PCDH15: variants seen among roughly 807,000 people sequenced by gnomAD.
The protein encoded by PCDH15 is protocadherin-15.
Under a neutral mutation model 178.5 loss-of-function variants are expected in PCDH15, and 129 were observed. The observed-to-expected ratio is 0.72, with a 90% CI of 0.63 to 0.84. PCDH15 has a LOEUF of 0.84. PCDH15 is among the 40% of genes least tolerant of loss of function. PCDH15 has a pLI of 0.00. For missense variants in PCDH15, 2,230 were observed against 2,099.9 expected, an observed-to-expected ratio of 1.06 and a Z score of -1.21; for synonymous variants, 800 against 732.0, an observed-to-expected ratio of 1.09 and a Z score of -1.50.
chr10:54,239,405 C>A (rs1298808916), intron 8 of PCDH15, among the ~76,000 whole-genome samples: 1 of 142,134 alleles, frequency 7.0e-6, no homozygotes, highest in Non-Finnish European at 1.5e-5. Context: ...ACACATTTGC[C>A]TGTGATTAAA....
chr10:53,883,928 C>G lies in PCDH15; in HGVS notation c.3502-17071G>C, dbSNP rs573663283. Among the ~76,000 whole-genome samples the G allele has an allele frequency of 2.9e-3, 438 of 152,234 alleles. 2 individuals are homozygous for G. The highest frequency in any genetic ancestry group is 9.7e-3 in the African/African-American group (401 of 41,550). On this transcript the variant is annotated intron_variant, in intron 26 of 37. Transcript: ENST00000644397. ...ACGGGCTTTCACCATGTTGGCCAGG[C>G]TGGTCTTGAACTCCTGACCTCAGGT...
At chr10:55,573,369 T>C (rs1403974053) in intron 2 of PCDH15, among the ~76,000 whole-genome samples, 2 of 152,110 alleles carry the variant, frequency 1.3e-5, no homozygotes, top group Non-Finnish European at 2.9e-5. Flanking sequence ...AAATATTCAG[T>C]TGGGAAGAAA....
At chr10:54,318,136 TG>T (rs1403478837) in intron 7 of PCDH15, among the ~76,000 whole-genome samples, 1 of 152,212 alleles carries the variant, frequency 6.6e-6, no homozygotes, top group Non-Finnish European at 1.5e-5. Flanking sequence ...ATCTTTTTCA[TG>T]CCCTGGGGGG....
chr10:54,151,697 G>A (rs2044553853), intron 14 of PCDH15, among the ~76,000 whole-genome samples: 1 of 152,106 alleles, frequency 6.6e-6, no homozygotes, highest in Admixed American at 6.6e-5. Context: ...AATGCAAAAT[G>A]TTCTTGGATA....
chr10:54,829,508 T>G (rs1953187081), intron 3 of PCDH15, among the ~76,000 whole-genome samples: 1 of 152,058 alleles, frequency 6.6e-6, no homozygotes, highest in East Asian at 1.9e-4. Context: ...TCCTGGTTAT[T>G]CAGTGAATAG....
chr10:54,178,934 A>C (rs1185243456), intron 13 of PCDH15, among the ~76,000 whole-genome samples: 1 of 152,116 alleles, frequency 6.6e-6, no homozygotes, highest in Non-Finnish European at 1.5e-5. Flanking sequence ...GCTGGAGAGG[A>C]TGTGGAGAAA....
chr10:54,719,685 ACC>A (rs1164548054), intron 1 of PCDH15, among the ~76,000 whole-genome samples: 5 of 151,308 alleles, frequency 3.3e-5, no homozygotes, highest in Non-Finnish European at 7.4e-5. Flanking sequence ...CTCAGCCGCC[ACC>A]CCCCGACTGG....
chr10:54,493,997 A>G (rs1355800748), intron 3 of PCDH15, among the ~76,000 whole-genome samples: 1 of 151,452 alleles, frequency 6.6e-6, no homozygotes, highest in East Asian at 2.0e-4. Context: ...CAAAAAACCA[A>G]ACACTGCATG....
rs148308834 is a variant in PCDH15 at position 55,428,357 on chromosome 10, T to TCAGG, written c.-156+199264_-156+199267dup. On this transcript the variant is annotated intron_variant, in intron 2 of 5. Transcript: ENST00000613346. Reference sequence around the variant, plus strand: ...ATCTCTGTCAGTATGGATAAAAAATTCAGGACACTTATTGTACTAGATGAA... The same window carrying TCAGG: ...ATCTCTGTCAGTATGGATAAAAAATTCAGGCAGGACACTTATTGTACTAGATGAA... 6.6e-3 allele frequency among the ~76,000 whole-genome samples: 1,005 copies of TCAGG among 152,028 alleles called. 11 individuals are homozygous for TCAGG. The highest frequency in any genetic ancestry group is 0.021 in the African/African-American group (892 of 41,542).
At chr10:54,846,964 A>G (rs778210648) in intron 3 of PCDH15, among the ~76,000 whole-genome samples, 2 of 152,308 alleles carry the variant, frequency 1.3e-5, no homozygotes, top group South Asian at 4.1e-4. Flanking sequence ...TATCACCCAT[A>G]TCATTTATCC....
Position 54,280,225 on chromosome 10 carries a change from C to G in PCDH15, c.876+37046G>C, listed in dbSNP as rs192653889. Among the ~76,000 whole-genome samples, 131 of 151,628 alleles carry G rather than the reference C, an allele frequency of 8.6e-4. 1 individual carries two copies. The highest frequency in any genetic ancestry group is 2.2e-3 in the Admixed American group (34 of 15,176). On this transcript the variant is annotated intron_variant, in intron 8 of 37. Coordinates refer to ENST00000644397, the MANE Select transcript of PCDH15 (RefSeq NM_001384140.1). Reference sequence around the variant, plus strand: ...TAACTTCGCATTTTAGAAATGAAGACTGCCTATTCATGTGGCTTCTGTGAT... The same window carrying G: ...TAACTTCGCATTTTAGAAATGAAGAGTGCCTATTCATGTGGCTTCTGTGAT...
chr10:54,055,481 T>C (rs1253397792), intron 18 of PCDH15, among the ~76,000 whole-genome samples: 1 of 152,230 alleles, frequency 6.6e-6, no homozygotes, highest in Non-Finnish European at 1.5e-5. Flanking sequence ...CAGTATAGTT[T>C]CCAAGTGTGC....
At chr10:54,261,426 T>C (rs2057308519) in intron 8 of PCDH15, among the ~76,000 whole-genome samples, 1 of 151,948 alleles carries the variant, frequency 6.6e-6, no homozygotes, top group African/African-American at 2.4e-5. Flanking sequence ...AGCATATTGC[T>C]AATTGAAAAA....
intron 2 of PCDH15, among the ~76,000 whole-genome samples, chr10:55,352,239 ATTAC>A (rs1239591422): frequency 6.6e-6 from 1 of 152,176 alleles, no homozygotes; most frequent in Non-Finnish European, 1.5e-5. Flanking sequence ...CTAATGGCTT[ATTAC>A]TTGCTGTTTA....
intron 2 of PCDH15, among the ~76,000 whole-genome samples, chr10:55,060,220 G>A (rs1353636747): frequency 6.6e-6 from 1 of 151,980 alleles, no homozygotes; most frequent in Non-Finnish European, 1.5e-5. Context: ...ATCTGGGCAA[G>A]GAGGGTTAAC....
At chr10:55,515,910 G>C (rs1841003324) in intron 2 of PCDH15, among the ~76,000 whole-genome samples, 1 of 152,064 alleles carries the variant, frequency 6.6e-6, no homozygotes, top group African/African-American at 2.4e-5. Context: ...TTTATCCTTT[G>C]TTAGTTTGTG....
At chr10:55,372,414 C>A (rs1845527942) in intron 2 of PCDH15, among the ~76,000 whole-genome samples, 1 of 152,002 alleles carries the variant, frequency 6.6e-6, no homozygotes, top group Non-Finnish European at 1.5e-5. Context: ...GAAATATATA[C>A]AAAAACTACT....
chr10:54,869,530 A>C (rs559368638), intron 3 of PCDH15, among the ~76,000 whole-genome samples: 10 of 152,178 alleles, frequency 6.6e-5, no homozygotes, highest in Non-Finnish European at 1.0e-4. Flanking sequence ...GAAATTTAAA[A>C]AGTAGGCTTA....
chr10:54,542,522 CAGAA>C (rs1230435580), intron 2 of PCDH15, among the ~76,000 whole-genome samples: 2 of 152,136 alleles, frequency 1.3e-5, no homozygotes, highest in African/African-American at 4.8e-5. Flanking sequence ...AAAAAAATAA[CAGAA>C]AGCATAAAGC....
Sources: allele counts gnomAD v4.1 joint callset (sites outside exome capture counted in the v4.1 genomes callset), GRCh38; gene constraint gnomAD v4.1.1; transcripts MANE v1.5; gene names NCBI Gene and HGNC (gene_info 2026-07-23, HGNC 2026-07-21).